Variants in EMID1 observed in about 807,000 individuals in gnomAD.
EMID1 encodes EMI domain-containing protein 1.
In EMID1, 40 loss-of-function variants were observed where a neutral mutation model predicts 60.6. The ratio of observed to expected loss-of-function variants is 0.66; its 90% CI spans 0.51 to 0.86. The LOEUF is 0.86. Among genes scored for constraint, EMID1 ranks in the 40% least tolerant of loss-of-function variants. The probability of loss-of-function intolerance (pLI) is 0.00; values close to 1 mark genes in which losing one functional copy is unlikely to be tolerated. For missense variants in EMID1, 585 were observed against 597.1 expected (o/e 0.98, Z 0.21); for synonymous variants, 242 against 231.0 (o/e 1.05, Z -0.43).
intron 1 of EMID1, among the ~76,000 whole-genome samples, chr22:29,212,366 C>A (rs2039921379): frequency 6.6e-6 from 1 of 151,418 alleles, no homozygotes; most frequent in South Asian, 2.1e-4. Flanking sequence ...AACTCTTGGC[C>A]TCAAGCAATC....
chr22:29,237,020 C>G (rs1370746388), intron 12 of EMID1, among the ~76,000 whole-genome samples: 2 of 151,872 alleles, frequency 1.3e-5, no homozygotes, highest in Non-Finnish European at 2.9e-5. Flanking sequence ...TGGTCTTGAA[C>G]TTCTAACTTT....
chr22:29,241,189 C>T (rs1038640701), intron 12 of EMID1, among the ~76,000 whole-genome samples: 1 of 152,118 alleles, frequency 6.6e-6, no homozygotes, highest in African/African-American at 2.4e-5. Flanking sequence ...TTAGGTTTTC[C>T]TACCCTGGCC....
At position 29,231,827 on chromosome 22, in the gene EMID1, G is replaced by C. The variant is rs2040760423; in HGVS notation, c.676+145G>C. ...TCAGCACCCCACCACGGAGTGCCCT[G>C]CCCACGCCTGGGCTCCATGAAGTCC... On this transcript the variant is annotated intron_variant, in intron 7 of 14. Transcript: ENST00000334018. 3 of 749,968 alleles carry C rather than the reference G, an allele frequency of 4.0e-6. No individual in the cohort carries two copies. The South Asian group carries it at 7.0e-5, about 18-fold the overall frequency. The allele number at this position is 749,968 out of a possible 1,614,324, so 46.5% of individuals were successfully genotyped here.
intron 14 of EMID1, among the ~76,000 whole-genome samples, chr22:29,257,326 G>A (rs942215917): frequency 6.6e-6 from 1 of 152,224 alleles, no homozygotes; most frequent in Non-Finnish European, 1.5e-5. Context: ...CAATAATTAT[G>A]ATAATAGTAT....
At chr22:29,230,815 G>A (rs1024248232) in intron 5 of EMID1, among the ~76,000 whole-genome samples, 4 of 152,182 alleles carry the variant, frequency 2.6e-5, no homozygotes, top group Non-Finnish European at 4.4e-5. Flanking sequence ...AATTTGCCAT[G>A]TGTGGTGGTG....
intron 3 of EMID1, among the ~76,000 whole-genome samples, chr22:29,218,611 T>C (rs1161434097): frequency 6.6e-6 from 1 of 150,958 alleles, no homozygotes; most frequent in Non-Finnish European, 1.5e-5. Context: ...AAACAATGGG[T>C]GAGGAAGAAC....
At chr22:29,217,508 G>A (rs2040132770) in intron 3 of EMID1, among the ~76,000 whole-genome samples, 1 of 152,232 alleles carries the variant, frequency 6.6e-6, no homozygotes, top group Non-Finnish European at 1.5e-5. Flanking sequence ...TGGGGGTGCT[G>A]CACTCCAGGC....
chr22:29,233,319 G>T (rs1487635380), intron 8 of EMID1, 60 bp from the exon 9 acceptor site: 3 of 1,586,946 alleles, frequency 1.9e-6, no homozygotes, highest in African/African-American at 1.3e-5. Context: ...GAGGTGGCAG[G>T]TGAAGACTAA....
chr22:29,222,524 C>T (rs75602424), intron 3 of EMID1, among the ~76,000 whole-genome samples: 1 of 151,528 alleles, frequency 6.6e-6, no homozygotes. Context: ...CTGCCTCAGC[C>T]TCCCAAGTAG....
intron 13 of EMID1, among the ~76,000 whole-genome samples, chr22:29,248,937 C>T (rs958173101): frequency 6.6e-6 from 1 of 152,182 alleles, no homozygotes; most frequent in Non-Finnish European, 1.5e-5. Context: ...GATATGCAAT[C>T]CATCGTAGAC....
chr22:29,212,087 A>G (rs2039907991), intron 1 of EMID1, among the ~76,000 whole-genome samples: 1 of 151,816 alleles, frequency 6.6e-6, no homozygotes, highest in African/African-American at 2.4e-5. Flanking sequence ...CCGGGTTCAA[A>G]CAATTCTCCT....
intron 14 of EMID1, among the ~76,000 whole-genome samples, chr22:29,257,580 C>G (rs1343832221): frequency 6.6e-6 from 1 of 152,194 alleles, no homozygotes; most frequent in East Asian, 1.9e-4. Flanking sequence ...GACTCTGCCA[C>G]TCATCCAGGG....
rs535379211 is a variant in EMID1 at position 29,256,334 on chromosome 22, G to A, written c.1204+2047G>A. On this transcript the variant is annotated intron_variant, in intron 14 of 14. Coordinates refer to ENST00000334018, the MANE Select transcript of EMID1 (RefSeq NM_133455.4). ...CTAAAAATTAGTTGGGTGTGGTGGC[G>A]GGCACCCGTAATCCCAGCTACTCGG... 7.0e-4 allele frequency among the ~76,000 whole-genome samples: 107 copies of A among 151,844 alleles called. 1 individual carries two copies. In the South Asian group the frequency reaches 0.015, roughly 22 times the overall value.
At chr22:29,258,611 T>C (rs1350029681) in intron 14 of EMID1, among the ~76,000 whole-genome samples, 1 of 152,188 alleles carries the variant, frequency 6.6e-6, no homozygotes, top group Non-Finnish European at 1.5e-5. Context: ...CTGAGTGCTC[T>C]CCTTGGGCTG....
chr22:29,227,470 C>T (rs866534732), intron 5 of EMID1, among the ~76,000 whole-genome samples: 3 of 151,764 alleles, frequency 2.0e-5, no homozygotes, highest in Non-Finnish European at 2.9e-5. Flanking sequence ...TTTAGGAGGC[C>T]GAGGCAGGTG....
rs2146236982 is a variant in EMID1 at position 29,225,120 on chromosome 22, C to T, written c.320-13C>T. The T allele has an allele frequency of 1.9e-6, 3 of 1,613,430 alleles. No individual in the cohort carries two copies. Among genetic ancestry groups the T allele is most frequent in the Non-Finnish European group, 2.5e-6 (3 of 1,179,734 alleles). On this transcript the variant is annotated splice_polypyrimidine_tract_variant and intron_variant, in intron 3 of 14. Transcript: ENST00000334018. Reference sequence around the variant, plus strand: ...ATCACATGCCAGCAGGGCTCTCACCCTCCATCCCTTAGTTGCAGCTTCCTC... The same window carrying T: ...ATCACATGCCAGCAGGGCTCTCACCTTCCATCCCTTAGTTGCAGCTTCCTC...
chr22:29,225,075 G>T, intron 3 of EMID1, 58 bp from the exon 4 acceptor site: 2 of 1,575,828 alleles, frequency 1.3e-6, no homozygotes, highest in Non-Finnish European at 1.7e-6. Context: ...TGGTGGGCAG[G>T]GGGGCCTGAG....
intron 1 of EMID1, among the ~76,000 whole-genome samples, chr22:29,213,656 C>T (rs2039976473): frequency 6.6e-6 from 1 of 152,108 alleles, no homozygotes. Context: ...AGCCCTCAGC[C>T]CTGCACAGGG....
At chr22:29,234,273 C>G in intron 11 of EMID1, 32 bp from the exon 12 acceptor site, 1 of 1,613,586 alleles carries the variant, frequency 6.2e-7, no homozygotes, top group South Asian at 1.1e-5. Context: ...TCCTCAACAG[C>G]TGACGCCATT....
Sources: gnomAD v4.1 joint callset for allele counts (sites outside exome capture counted in the v4.1 genomes callset) on GRCh38, gnomAD v4.1.1 for gene constraint, MANE v1.5 for transcripts, NCBI Gene and HGNC (gene_info 2026-07-23, HGNC 2026-07-21) for gene names.